The following C1QTNF3 variants were observed in gnomAD, a reference collection of about 807,000 sequenced individuals.
C1QTNF3 encodes complement C1q tumor necrosis factor-related protein 3.
A neutral mutation model predicts 32.6 loss-of-function variants in C1QTNF3; 26 were observed. The ratio of observed to expected loss-of-function variants is 0.80; its 90% CI spans 0.58 to 1.11. The LOEUF (loss-of-function observed/expected upper bound fraction) is 1.11, where lower values mean the gene tolerates loss of function less well. C1QTNF3 is among the 50% of genes least tolerant of loss of function. C1QTNF3 has a pLI of 0.00. For synonymous variants in C1QTNF3, 155 were observed against 146.0 expected (o/e 1.06, Z -0.44); for missense variants, 362 against 398.2 (o/e 0.91, Z 0.77).
chr5:34,131,058 A>C, the C1QTNF3 span, among the ~76,000 whole-genome samples: 1 of 152,262 alleles, frequency 6.6e-6, no homozygotes, highest in Non-Finnish European at 1.5e-5. Context: ...TAAGTTTAAG[A>C]CAACTGAATA....
the C1QTNF3 span, among the ~76,000 whole-genome samples, chr5:34,210,315 A>G: frequency 1.3e-5 from 2 of 152,078 alleles, no homozygotes; most frequent in African/African-American, 2.4e-5. Context: ...GGCACATACT[A>G]CGTCATAGGC....
the C1QTNF3 span, among the ~76,000 whole-genome samples, chr5:34,050,289 T>C: frequency 2.0e-5 from 3 of 152,148 alleles, no homozygotes; most frequent in Non-Finnish European, 4.4e-5. Flanking sequence ...TGTGCGCCTC[T>C]CTCCTAGTCA....
chr5:34,033,742 A>G lies in C1QTNF3; in HGVS notation c.416-284T>C, dbSNP rs1462256694. 4.6e-5 allele frequency among the ~76,000 whole-genome samples: 7 copies of G among 152,340 alleles called. No homozygotes were observed. The East Asian group carries it at 1.3e-3, about 29-fold the overall frequency. On this transcript the variant is annotated intron_variant, in intron 2 of 5. Coordinates refer to ENST00000382065, the MANE Select transcript of C1QTNF3 (RefSeq NM_181435.6). The stretch of plus-strand genomic sequence containing the variant: ...TTTAAAATAGCAAAGATTGGAAACC[A>G]CCTATATAATCACCAATACTAGGAG...
the C1QTNF3 span, among the ~76,000 whole-genome samples, chr5:34,244,132 C>T: frequency 1.3e-5 from 2 of 152,226 alleles, no homozygotes; most frequent in Admixed American, 6.5e-5. Context: ...TGCCTTTCCA[C>T]CTCTTCTTTT....
chr5:34,226,752 A>G, the C1QTNF3 span, among the ~76,000 whole-genome samples: 1 of 151,732 alleles, frequency 6.6e-6, no homozygotes, highest in Non-Finnish European at 1.5e-5. Flanking sequence ...CTTAACACAT[A>G]TTTCGTATGC....
chr5:34,137,007 GC>G, the C1QTNF3 span, among the ~76,000 whole-genome samples: 1 of 151,722 alleles, frequency 6.6e-6, no homozygotes, highest in African/African-American at 2.4e-5. Context: ...GGGGGTGGGG[GC>G]CTGGGGGAGG....
At chr5:34,056,479 TAGAGAGAGAGAGAGAGAGAG>T in the C1QTNF3 span, among the ~76,000 whole-genome samples, 351 of 51,774 alleles carry the variant, frequency 6.8e-3, 2 homozygotes, top group East Asian at 0.059. Context: ...TATATATATA[TAGAGAGAGAGAGAGAGAGAG>T]AGAGAGAGAG....
At chr5:34,046,984 T>C (rs1271723546), upstream of C1QTNF3, among the ~76,000 whole-genome samples, 1 of 152,256 alleles carries the variant, frequency 6.6e-6, no homozygotes, top group African/African-American at 2.4e-5. Flanking sequence ...TATTAAATCT[T>C]ACTTGGTTAT....
the C1QTNF3 span, among the ~76,000 whole-genome samples, chr5:34,227,308 G>A: frequency 6.6e-6 from 1 of 151,350 alleles, no homozygotes; most frequent in Non-Finnish European, 1.5e-5. Flanking sequence ...GTGCAGTTAT[G>A]ATTTACTTTT....
the C1QTNF3 span, among the ~76,000 whole-genome samples, chr5:34,243,081 G>A: frequency 6.6e-6 from 1 of 151,476 alleles, no homozygotes; most frequent in African/African-American, 2.4e-5. Context: ...CACCACACAC[G>A]TTTATCTATG....
In C1QTNF3 at chr5:34,042,377, G is replaced by T. The variant is rs1441356098; in HGVS notation, c.303+446C>A. ...TCACAAATCAAAGTAAAAAAACTTTGATTGCTTTTGACAAACTCAAAGGGC... is the reference window on the plus strand; with the variant it reads ...TCACAAATCAAAGTAAAAAAACTTTTATTGCTTTTGACAAACTCAAAGGGC... On this transcript the variant is annotated intron_variant, in intron 1 of 5. Transcript: ENST00000382065. Among the ~76,000 whole-genome samples the T allele has an allele frequency of 4.6e-5, 7 of 152,224 alleles. No individual in the cohort carries two copies. The East Asian group carries it at 1.2e-3, about 25-fold the overall frequency.
At chr5:34,154,996 C>T in the C1QTNF3 span, among the ~76,000 whole-genome samples, 1 of 152,190 alleles carries the variant, frequency 6.6e-6, no homozygotes, top group Non-Finnish European at 1.5e-5. Context: ...TTGCTATGGT[C>T]ACATACTTCT....
At chr5:34,205,566 C>T in the C1QTNF3 span, among the ~76,000 whole-genome samples, 1 of 152,162 alleles carries the variant, frequency 6.6e-6, no homozygotes, top group African/African-American at 2.4e-5. Flanking sequence ...GCTGCTTCCT[C>T]TTTGCCTTCT....
the C1QTNF3 span, among the ~76,000 whole-genome samples, chr5:34,240,746 C>T: frequency 0.51 from 77,570 of 151,996 alleles, 23,026 homozygotes; most frequent in Non-Finnish European, 0.66. Flanking sequence ...TTGAAGAGAA[C>T]GTACTCCTTC....
the C1QTNF3 span, among the ~76,000 whole-genome samples, chr5:34,230,610 A>G: frequency 6.6e-6 from 1 of 152,210 alleles, no homozygotes. Flanking sequence ...ATAAAACAAT[A>G]TTAAAATTAT....
the C1QTNF3 span, among the ~76,000 whole-genome samples, chr5:34,220,379 C>CT: frequency 1.3e-5 from 2 of 151,886 alleles, no homozygotes; most frequent in African/African-American, 4.8e-5. Flanking sequence ...AAGTAATGAG[C>CT]TTTCTATGTC....
At chr5:34,023,014 C>G (rs1241689163) in intron 5 of C1QTNF3, among the ~76,000 whole-genome samples, 1 of 152,098 alleles carries the variant, frequency 6.6e-6, no homozygotes, top group Non-Finnish European at 1.5e-5. Context: ...TGCCACCATG[C>G]CCGGGTAATT....
At chr5:34,166,158 C>T in the C1QTNF3 span, 2 of 151,994 alleles carry the variant, frequency 1.3e-5, no homozygotes, top group Middle Eastern at 6.8e-3. Flanking sequence ...TATTTCTTCT[C>T]AAGATCTCAC....
chr5:34,028,942 T>C (rs1754544937), intron 3 of C1QTNF3, 59 bp from the exon 4 acceptor site: 1 of 1,496,026 alleles, frequency 6.7e-7, no homozygotes, highest in African/African-American at 1.4e-5. Context: ...GTCAAGTTTT[T>C]ATGCAGATTA....
Sources: gnomAD v4.1 joint callset for allele counts (sites outside exome capture counted in the v4.1 genomes callset) on GRCh38, gnomAD v4.1.1 for gene constraint, MANE v1.5 for transcripts, NCBI Gene and HGNC (gene_info 2026-07-23, HGNC 2026-07-21) for gene names.